The following MCTP1 variants were observed in gnomAD, a reference collection of about 807,000 sequenced individuals.
MCTP1 encodes multiple C2 and transmembrane domain containing 1.
In MCTP1, 69 loss-of-function variants were observed where a neutral mutation model predicts 120.6. That is an observed-to-expected ratio of 0.57 (90% confidence interval 0.47 to 0.70). MCTP1 has a LOEUF of 0.70. Among genes scored for constraint, MCTP1 ranks in the 30% least tolerant of loss-of-function variants. MCTP1 has a pLI of 0.00. For missense variants in MCTP1, 1,203 were observed against 1,248.8 expected, an observed-to-expected ratio of 0.96 and a Z score of 0.55; for synonymous variants, 529 against 493.1, an observed-to-expected ratio of 1.07 and a Z score of -0.96.
At chr5:95,122,320 G>A (rs1284500182) in intron 1 of MCTP1, among the ~76,000 whole-genome samples, 1 of 152,066 alleles carries the variant, frequency 6.6e-6, no homozygotes, top group Non-Finnish European at 1.5e-5. Flanking sequence ...CTTATGATCT[G>A]AATTGAAAAT....
chr5:94,760,921 G>A (rs1018912415), intron 19 of MCTP1, among the ~76,000 whole-genome samples: 3 of 152,080 alleles, frequency 2.0e-5, no homozygotes, highest in Non-Finnish European at 4.4e-5. Flanking sequence ...CTGGGCTCAA[G>A]CAATTATCTC....
At chr5:94,868,249 A>G in intron 17 of MCTP1, 84 bp downstream of exon 17, 1 of 1,324,402 alleles carries the variant, frequency 7.6e-7, no homozygotes, top group African/African-American at 1.5e-5. Context: ...ACATCAACAT[A>G]ACTGTTACTA....
intron 2 of MCTP1, among the ~76,000 whole-genome samples, chr5:94,972,294 A>G (rs1827062552): frequency 6.6e-6 from 1 of 151,862 alleles, no homozygotes; most frequent in Non-Finnish European, 1.5e-5. Flanking sequence ...ATCATCTTAC[A>G]CTCTTACCAT....
At chr5:95,239,119 G>A (rs759600514) in intron 1 of MCTP1, among the ~76,000 whole-genome samples, 20 of 152,098 alleles carry the variant, frequency 1.3e-4, no homozygotes, top group African/African-American at 2.4e-4. Flanking sequence ...ATTTGGTCTC[G>A]TAGAAGAAAC....
chr5:94,871,443 A>G, intron 13 of MCTP1, 26 bp from the exon 14 acceptor site: 1 of 1,479,314 alleles, frequency 6.8e-7, no homozygotes. Context: ...ATGTAAGAAA[A>G]AAAGATTTCA....
At chr5:94,773,185 T>C (rs1774476489) in intron 19 of MCTP1, among the ~76,000 whole-genome samples, 1 of 152,156 alleles carries the variant, frequency 6.6e-6, no homozygotes, top group African/African-American at 2.4e-5. Flanking sequence ...AATAGCCCTT[T>C]CCTGTCCAAA....
chr5:94,749,380 T>TGTG (rs1561569317), intron 19 of MCTP1, among the ~76,000 whole-genome samples: 1 of 151,950 alleles, frequency 6.6e-6, no homozygotes, highest in Non-Finnish European at 1.5e-5. Flanking sequence ...ATCGGCCAGC[T>TGTG]GTGGTGGCTC....
At chr5:94,888,077 G>T (rs1581197998) in intron 12 of MCTP1, among the ~76,000 whole-genome samples, 1 of 141,144 alleles carries the variant, frequency 7.1e-6, no homozygotes, top group South Asian at 2.3e-4. Flanking sequence ...TTGCACAAAT[G>T]GTCAAGCCAG....
At chr5:94,773,896 C>T (rs115869404) in intron 19 of MCTP1, among the ~76,000 whole-genome samples, 209 of 152,176 alleles carry the variant, frequency 1.4e-3, no homozygotes, top group Non-Finnish European at 2.4e-3. Context: ...TTATTGTGTG[C>T]GGACACGGCC....
intron 17 of MCTP1, among the ~76,000 whole-genome samples, chr5:94,846,159 C>G (rs531126817): frequency 2.0e-5 from 3 of 152,126 alleles, no homozygotes; most frequent in Admixed American, 2.0e-4. Flanking sequence ...GGGTATATAC[C>G]CAAAGAAATA....
chr5:95,106,229 G>T (rs983131466), intron 1 of MCTP1, among the ~76,000 whole-genome samples: 1 of 152,212 alleles, frequency 6.6e-6, no homozygotes, highest in Non-Finnish European at 1.5e-5. Context: ...ATGGTTTCAG[G>T]CATGACAAGG....
rs1325796866 is a variant in MCTP1 at position 95,212,502 on chromosome 5, A to G, written c.720+71354T>C. Among the ~76,000 whole-genome samples the G allele has an allele frequency of 2.0e-5, 3 of 152,270 alleles. No individual in the cohort carries two copies. The East Asian group carries it at 5.8e-4, about 29-fold the overall frequency. On this transcript the variant is annotated intron_variant, in intron 1 of 22. Coordinates refer to ENST00000515393, the MANE Select transcript of MCTP1 (RefSeq NM_024717.7). ...AATAGAAAAAGAGGGAATCCTCCCT[A>G]ACTCATTTTATGAGGCCAGCATCAT...
At chr5:95,208,030 A>C (rs111717705) in intron 1 of MCTP1, among the ~76,000 whole-genome samples, 1,651 of 150,342 alleles carry the variant, frequency 0.011, 28 homozygotes, top group African/African-American at 0.036. Flanking sequence ...AGAGAGAGAG[A>C]AAGAGAGAGC....
intron 17 of MCTP1, among the ~76,000 whole-genome samples, chr5:94,864,995 T>G (rs534462129): frequency 6.6e-6 from 1 of 152,094 alleles, no homozygotes; most frequent in Admixed American, 6.6e-5. Flanking sequence ...AGACGAGCAG[T>G]GCCTTCTGCA....
rs115993780 is a variant in MCTP1 at position 95,179,464 on chromosome 5, T to G, written c.720+104392A>C. Among the ~76,000 whole-genome samples the G allele has an allele frequency of 2.2e-3, 337 of 152,314 alleles. 3 individuals are homozygous for G. The highest frequency in any genetic ancestry group is 7.8e-3 in the African/African-American group (324 of 41,562). ...CAGGTAACCTATAAAGGAAAACCTA[T>G]CAGACTAACAGATTTCTTAGCAGAA... On this transcript the variant is annotated intron_variant, in intron 1 of 22. Transcript: ENST00000515393.
At chr5:94,710,013 G>A (rs991391412) in intron 21 of MCTP1, 6 of 152,120 alleles carry the variant, frequency 3.9e-5, no homozygotes, top group Admixed American at 2.0e-4. Context: ...CTTTGCATTT[G>A]ATTTGTTTTA....
intron 1 of MCTP1, among the ~76,000 whole-genome samples, chr5:95,239,210 CT>C (rs1466294932): frequency 6.6e-6 from 1 of 152,134 alleles, no homozygotes; most frequent in Non-Finnish European, 1.5e-5. Context: ...GAGAAATCTC[CT>C]GAAGACGCGC....
chr5:95,071,050 G>A (rs1379602572), intron 1 of MCTP1, among the ~76,000 whole-genome samples: 1 of 152,196 alleles, frequency 6.6e-6, no homozygotes, highest in Non-Finnish European at 1.5e-5. Flanking sequence ...TGGAACAAAG[G>A]GGAAGCGAGA....
intron 1 of MCTP1, among the ~76,000 whole-genome samples, chr5:95,215,899 T>C (rs936156064): frequency 1.3e-5 from 2 of 152,164 alleles, no homozygotes; most frequent in African/African-American, 4.8e-5. Flanking sequence ...CTCTACACAC[T>C]TTTAATACCT....
Sources: gnomAD v4.1 joint callset for allele counts (sites outside exome capture counted in the v4.1 genomes callset) on GRCh38, gnomAD v4.1.1 for gene constraint, MANE v1.5 for transcripts, NCBI Gene and HGNC (gene_info 2026-07-23, HGNC 2026-07-21) for gene names.